The following LRRC37B variants were observed in gnomAD, a reference collection of about 807,000 sequenced individuals.
LRRC37B encodes leucine-rich repeat-containing protein 37B.
LRRC37B carries 28 observed loss-of-function variants against 98.3 expected under a neutral mutation model. The ratio of observed to expected loss-of-function variants is 0.28; its 90% CI spans 0.21 to 0.39. LRRC37B has a LOEUF of 0.39. LRRC37B is among the 10% of genes least tolerant of loss of function. The pLI is 1.00. For missense variants in LRRC37B, 938 were observed against 1,182.7 expected (o/e 0.79, Z 3.03); for synonymous variants, 364 against 442.7 (o/e 0.82, Z 2.23).
intron 7 of LRRC37B, among the ~76,000 whole-genome samples, chr17:32,039,531 T>TATGTA (rs1911359721): frequency 8.8e-6 from 1 of 113,078 alleles, no homozygotes; most frequent in African/African-American, 3.6e-5. Flanking sequence ...TATGTATGTA[T>TATGTA]TTTTATATAT....
Position 32,021,261 on chromosome 17 carries a change from T to C in LRRC37B, c.196T>C (p.Ser66Pro), listed in dbSNP as rs1910765793. The C allele has an allele frequency of 1.5e-5, 24 of 1,612,936 alleles. No individual in the cohort carries two copies. The East Asian group carries it at 5.3e-4, about 36-fold the overall frequency. ...GGTCAAGGACCCGCTCCAGCTGACC[T>C]CTAACCCCCTGGGGCCACCTGAGCC... The change falls in exon 1 of 12, where the codon TCT becomes CCT. Residue 66 changes from serine (S) to proline (P), a missense_variant. Physicochemically the swap from Ser to Pro is moderately conservative, Grantham distance 74. Around this residue, in one of 2 missense-constraint regions of LRRC37B, gnomAD observed 610 missense variants for 625.6 expected, o/e 0.98. Coordinates refer to ENST00000327564, the Ensembl canonical transcript of LRRC37B.
At chr17:32,019,035 T>G (rs1450321615), upstream of LRRC37B, among the ~76,000 whole-genome samples, 1 of 152,162 alleles carries the variant, frequency 6.6e-6, no homozygotes, top group African/African-American at 2.4e-5. Flanking sequence ...CAAGTGATTC[T>G]CCTACCTCAG....
At position 32,039,479 on chromosome 17, in the gene LRRC37B, A is replaced by AATATAT. The variant is rs1185838390; in HGVS notation, c.2204+3879_2204+3884dup. Among the ~76,000 whole-genome samples, 224 of 38,688 alleles carry AATATAT rather than the reference A, an allele frequency of 5.8e-3. 2 individuals are homozygous for AATATAT. Among genetic ancestry groups the AATATAT allele is most frequent in the Non-Finnish European group, 6.7e-3 (148 of 21,974 alleles). 25.4% of individuals were successfully genotyped at this position (38,688 alleles called of 152,430 possible). On this transcript the variant is annotated intron_variant, in intron 7 of 11. Coordinates refer to ENST00000327564, the Ensembl canonical transcript of LRRC37B. ...GTGACAGAGCAAGAACCTGCCTAAA[A>AATATAT]ATATATATATATATATATATATATA...
At chr17:32,039,479 A>AATATATATATAT (rs1185838390) in intron 7 of LRRC37B, among the ~76,000 whole-genome samples, 8 of 38,840 alleles carry the variant, frequency 2.1e-4, no homozygotes, top group South Asian at 8.9e-4. Flanking sequence ...CCTGCCTAAA[A>AATATATATATAT]ATATATATAT....
intron 11 of LRRC37B, chr17:32,052,919 T>C (rs1388805237): frequency 5.2e-6 from 1 of 191,072 alleles, no homozygotes; most frequent in East Asian, 1.7e-4. Flanking sequence ...CTCTCCAGCC[T>C]GAGTGACAGA....
At chr17:32,045,918 T>C (rs935416960) in intron 8 of LRRC37B, 100 bp downstream of exon 11, 7 of 1,271,260 alleles carry the variant, frequency 5.5e-6, no homozygotes, top group African/African-American at 3.0e-5. Context: ...GATGATATAA[T>C]TGTTTTATTT....
chr17:32,024,315 G>A (rs1910883600), intron 1 of LRRC37B, among the ~76,000 whole-genome samples: 1 of 152,112 alleles, frequency 6.6e-6, no homozygotes, highest in Non-Finnish European at 1.5e-5. Context: ...CTGGCATGGG[G>A]TTTCTTTCTA....
At chr17:32,031,202 C>T (rs1302118923) in intron 4 of LRRC37B, among the ~76,000 whole-genome samples, 176 bp from the exon 8 acceptor site, 1 of 152,208 alleles carries the variant, frequency 6.6e-6, no homozygotes, top group Non-Finnish European at 1.5e-5. Flanking sequence ...AGCTAATGCA[C>T]CACATGTGCA....
chr17:32,017,900 G>C (rs1910681338), upstream of LRRC37B: 1 of 162,788 alleles, frequency 6.1e-6, no homozygotes. Flanking sequence ...TCATTGTGGG[G>C]TGCTACCATT....
chr17:32,025,387 C>A (rs1207500604), intron 2 of LRRC37B, among the ~76,000 whole-genome samples: 1 of 151,728 alleles, frequency 6.6e-6, no homozygotes, highest in Non-Finnish European at 1.5e-5. Context: ...TAACAAAAAC[C>A]CTCCTTGTGC....
chr17:32,016,571 G>A (rs560528645), upstream of LRRC37B, among the ~76,000 whole-genome samples: 12 of 152,140 alleles, frequency 7.9e-5, no homozygotes, highest in African/African-American at 2.2e-4. Context: ...TTTCTTGAAC[G>A]CAGTGGTTTT....
intron 7 of LRRC37B, among the ~76,000 whole-genome samples, chr17:32,044,077 G>A (rs1911514757): frequency 6.6e-6 from 1 of 151,330 alleles, no homozygotes; most frequent in Non-Finnish European, 1.5e-5. Flanking sequence ...TGGGATTTAA[G>A]CCTAGTCTGG....
rs547853278 is a variant in LRRC37B at position 32,041,440 on chromosome 17, A to G, written c.2205-4260A>G. On this transcript the variant is annotated intron_variant, in intron 7 of 11. Transcript: ENST00000327564. ...GTCTTCACGCTGATCAACCAGATCA[A>G]CGAGAACTGGTACCAGGGCATGCTG... 53 of 721,322 alleles carry G rather than the reference A, an allele frequency of 7.3e-5. No individual in the cohort carries two copies. The African/African-American group carries it at 8.4e-4, about 11-fold the overall frequency. 44.7% of individuals were successfully genotyped at this position (721,322 alleles called of 1,614,324 possible). A position where few individuals can be genotyped will look rare whatever the true frequency, so the allele number is the denominator to read the frequency against.
chr17:32,049,390 G>C lies in LRRC37B; in HGVS notation c.2753G>C (p.Ser918Thr), dbSNP rs541786157. Residue 918 changes from serine to threonine, a missense_variant, in exon 10 of 12, where the codon AGT (serine) becomes ACT (threonine). Physicochemically the swap from Ser to Thr is moderately conservative, Grantham distance 58 (BLOSUM62 1). Around this residue, in one of 2 missense-constraint regions of LRRC37B, gnomAD observed 328 missense variants for 557.0 expected, o/e 0.59. Coordinates refer to ENST00000327564, the Ensembl canonical transcript of LRRC37B. ...AATGAACAGAAAGAGCAGAAGTCAAGTGAGGTGAGGACCACACAGAAACAT... is the reference window on the plus strand; with the variant it reads ...AATGAACAGAAAGAGCAGAAGTCAACTGAGGTGAGGACCACACAGAAACAT... The C allele has an allele frequency of 9.3e-6, 15 of 1,608,808 alleles. No homozygotes were observed. The African/African-American group carries it at 2.0e-4, about 22-fold the overall frequency.
intron 7 of LRRC37B, among the ~76,000 whole-genome samples, chr17:32,038,601 A>C (rs1911318183): frequency 6.6e-6 from 1 of 152,240 alleles, no homozygotes; most frequent in African/African-American, 2.4e-5. Context: ...TCACACCTGT[A>C]ATCACAGCAC....
exon 4 of LRRC37B, chr17:32,030,700 T>A (rs1367847813): frequency 6.8e-7 from 1 of 1,468,738 alleles, no homozygotes; most frequent in East Asian, 2.3e-5. Context: ...AGACAAACAT[T>A]TGAATCACTA....
chr17:32,040,503 G>A, intron 7 of LRRC37B: 1 of 694,068 alleles, frequency 1.4e-6, no homozygotes. Context: ...AGGTCGGAGG[G>A]GCTGAGGGGA....
chr17:32,043,438 G>T (rs1911499051), intron 7 of LRRC37B, among the ~76,000 whole-genome samples: 1 of 152,150 alleles, frequency 6.6e-6, no homozygotes, highest in Non-Finnish European at 1.5e-5. Context: ...GCACGCACCT[G>T]TAGTTCTAGC....
intron 8 of LRRC37B, among the ~76,000 whole-genome samples, chr17:32,046,599 C>CT (rs796570580): frequency 0.046 from 6,080 of 131,862 alleles, 93 homozygotes; most frequent in African/African-American, 0.089. Flanking sequence ...TTCTTTTTTT[C>CT]TTTTTTTTTT....
Sources: allele counts gnomAD v4.1 joint callset (sites outside exome capture counted in the v4.1 genomes callset), GRCh38; gene constraint gnomAD v4.1.1; regional missense constraint gnomAD v4.1.1; transcripts MANE v1.5; gene names NCBI Gene and HGNC (gene_info 2026-07-23, HGNC 2026-07-21).